KYNU: variants seen among roughly 807,000 people sequenced by gnomAD.
The protein encoded by KYNU is kynureninase, also known as L-kynurenine hydrolase.
Under a neutral mutation model 59.2 loss-of-function variants are expected in KYNU, and 54 were observed. The observed-to-expected ratio is 0.91, with a 90% CI of 0.73 to 1.14. The LOEUF (loss-of-function observed/expected upper bound fraction) is 1.14. Among genes scored for constraint, KYNU ranks in the 50% most tolerant of loss-of-function variants. The probability of loss-of-function intolerance (pLI) is 0.00; values close to 1 mark genes in which losing one functional copy is unlikely to be tolerated. For synonymous variants in KYNU, 177 were observed against 192.0 expected, an observed-to-expected ratio of 0.92 and a Z score of 0.65; for missense variants, 567 against 554.4, an observed-to-expected ratio of 1.02 and a Z score of -0.23.
chr2:142,881,916 C>CTTTTTTTTTTTTTTTTT (rs869099302), intron 1 of KYNU, among the ~76,000 whole-genome samples: 11 of 113,172 alleles, frequency 9.7e-5, no homozygotes, highest in Non-Finnish European at 1.8e-4. Flanking sequence ...TTTCTTTTTT[C>CTTTTTTTTTTTTTTTTT]TTTTTTTTTT....
intron 4 of KYNU, among the ~76,000 whole-genome samples, chr2:142,950,871 A>G (rs351698): frequency 0.56 from 84,705 of 152,020 alleles, 24,640 homozygotes; most frequent in African/African-American, 0.71. Flanking sequence ...TGACAGGCAT[A>G]TGACACTTCC....
In KYNU at chr2:143,042,661, T is replaced by C. The variant is rs1299928497; in HGVS notation, c.*489T>C. ...GTGTGTGTGTGTGTATATATATATA[T>C]ATATATCATATATATATGATAGTGG... is the stretch of plus-strand genomic sequence containing the variant. On this transcript the variant is annotated 3_prime_UTR_variant, in exon 14 of 14. Transcript: ENST00000264170. 1 of 143,746 alleles carries C rather than the reference T, an allele frequency of 7.0e-6. No homozygotes were observed. The highest frequency in any genetic ancestry group is 1.5e-5 in the Non-Finnish European group (1 of 64,974). The allele number at this position is 143,746 out of a possible 1,614,324, so 8.9% of individuals were successfully genotyped here. A position where few individuals can be genotyped will look rare whatever the true frequency, so the allele number is the denominator to read the frequency against.
intron 8 of KYNU, among the ~76,000 whole-genome samples, chr2:142,981,424 T>C (rs956267246): frequency 5.3e-5 from 8 of 152,042 alleles, no homozygotes; most frequent in African/African-American, 1.9e-4. Context: ...TTTCCCCATA[T>C]GGAATTTCAG....
rs148301578 is a variant in KYNU, at chr2:143,042,762, A to G, written c.*590A>G. On this transcript the variant is annotated 3_prime_UTR_variant, in exon 14 of 14. Coordinates refer to ENST00000264170, the MANE Select transcript of KYNU (RefSeq NM_003937.3). ...ATCAGAAACCAGTATTTATGTGAATATATGAGAAATATTATTGATTCTAAG... is the reference window on the plus strand; with the variant it reads ...ATCAGAAACCAGTATTTATGTGAATGTATGAGAAATATTATTGATTCTAAG... The G allele has an allele frequency of 2.0e-4, 30 of 151,154 alleles. No homozygotes were observed. Among genetic ancestry groups the G allele is most frequent in the African/African-American group, 6.8e-4 (28 of 41,246 alleles). 9.4% of individuals were successfully genotyped at this position (151,154 alleles called of 1,614,324 possible).
intron 13 of KYNU, among the ~76,000 whole-genome samples, chr2:143,041,712 C>T (rs1186980856): frequency 6.6e-6 from 1 of 151,320 alleles, no homozygotes; most frequent in Non-Finnish European, 1.5e-5. Context: ...TAAATTCACC[C>T]AAGAATTCCA....
chr2:143,026,284 T>A (rs1224192303), intron 10 of KYNU, among the ~76,000 whole-genome samples: 1 of 152,160 alleles, frequency 6.6e-6, no homozygotes, highest in African/African-American at 2.4e-5. Flanking sequence ...TATGCAAAGG[T>A]GTAATTTGTT....
chr2:143,033,386 T>C (rs1686812748), intron 12 of KYNU, 65 bp downstream of exon 12: 1 of 1,112,688 alleles, frequency 9.0e-7, no homozygotes, highest in African/African-American at 1.5e-5. Flanking sequence ...TTGTGACAAT[T>C]CATAGTACTT....
At chr2:142,904,101 C>T (rs1369949617) in intron 2 of KYNU, among the ~76,000 whole-genome samples, 2 of 152,206 alleles carry the variant, frequency 1.3e-5, no homozygotes, top group Non-Finnish European at 2.9e-5. Context: ...CTAATGTCTG[C>T]AGCTGACTGA....
Position 143,049,664 on chromosome 2 carries a change from C to T in KYNU, c.*7492C>T, listed in dbSNP as rs1169488678. 6.6e-6 allele frequency: 1 copy of T among 152,146 alleles called. No homozygotes were observed. Among genetic ancestry groups the T allele is most frequent in the Non-Finnish European group, 1.5e-5 (1 of 68,036 alleles). 9.4% of individuals were successfully genotyped at this position (152,146 alleles called of 1,614,324 possible). A position where few individuals can be genotyped will look rare whatever the true frequency, so the allele number is the denominator to read the frequency against. ...ACTCCTTCAATAAAACATAGTCATC[C>T]AAATCCCAATCTCAAGCACGGTGTC... On this transcript the variant is annotated 3_prime_UTR_variant, in exon 14 of 14. Transcript: ENST00000264170.
At chr2:142,973,027 TACAC>T (rs146421259) in intron 8 of KYNU, among the ~76,000 whole-genome samples, 20 of 148,022 alleles carry the variant, frequency 1.4e-4, no homozygotes, top group Admixed American at 6.1e-4. Context: ...TGTATATATA[TACAC>T]ACACACACAC....
chr2:142,961,635 A>T (rs1684353475), intron 8 of KYNU, among the ~76,000 whole-genome samples: 1 of 152,154 alleles, frequency 6.6e-6, no homozygotes, highest in South Asian at 2.1e-4. Context: ...AATTTTTTAT[A>T]CTGCCTGTAA....
intron 8 of KYNU, among the ~76,000 whole-genome samples, chr2:142,978,335 G>A (rs188509478): frequency 5.3e-4 from 80 of 152,036 alleles, no homozygotes; most frequent in Middle Eastern, 3.4e-3. Flanking sequence ...CAAATTTATA[G>A]CACTGTAGTT....
chr2:142,893,623 TG>T (rs1385190630), intron 2 of KYNU, among the ~76,000 whole-genome samples: 5 of 151,452 alleles, frequency 3.3e-5, no homozygotes, highest in African/African-American at 9.7e-5. Context: ...TCAAGCAAGG[TG>T]GGGGCTTGAA....
intron 8 of KYNU, among the ~76,000 whole-genome samples, chr2:142,966,398 T>C (rs1231356659): frequency 6.6e-6 from 1 of 152,184 alleles, no homozygotes; most frequent in Admixed American, 6.6e-5. Flanking sequence ...CTAACTTCTT[T>C]AAAGTCTTAG....
In KYNU at chr2:143,029,598, A is replaced by G. The variant is rs755916270; in HGVS notation, c.903-29A>G. The stretch of plus-strand genomic sequence containing the variant: ...AAGACTCCATCCAAAAAAACCCCCA[A>G]AAACCTAATGTTTTTATTTATATTT... On this transcript the variant is annotated intron_variant, in intron 10 of 13. Transcript: ENST00000264170. 5.8e-6 allele frequency: 9 copies of G among 1,559,444 alleles called. No individual in the cohort carries two copies. The South Asian group carries it at 1.0e-4, about 17-fold the overall frequency.
Position 143,028,975 on chromosome 2 carries a change from A to G in KYNU, c.903-652A>G, listed in dbSNP as rs572262318. ...GGGTACATTTCTCTTTAGAGATTCTATTGTGAAAATATTGTATTAATTGTT... is the reference window on the plus strand; with the variant it reads ...GGGTACATTTCTCTTTAGAGATTCTGTTGTGAAAATATTGTATTAATTGTT... On this transcript the variant is annotated intron_variant, in intron 10 of 13. Transcript: ENST00000264170. Among the ~76,000 whole-genome samples the G allele has an allele frequency of 3.8e-4, 58 of 152,276 alleles. 1 individual carries two copies. In the South Asian group the frequency reaches 9.7e-3, roughly 26 times the overall value.
At chr2:142,883,869 C>A (rs1681395718) in intron 1 of KYNU, among the ~76,000 whole-genome samples, 1 of 152,228 alleles carries the variant, frequency 6.6e-6, no homozygotes, top group African/African-American at 2.4e-5. Context: ...TCATACACTG[C>A]TGTCCTGCCA....
chr2:142,959,324 C>T (rs934307567), intron 7 of KYNU, among the ~76,000 whole-genome samples: 7 of 152,162 alleles, frequency 4.6e-5, no homozygotes, highest in Non-Finnish European at 8.8e-5. Flanking sequence ...CAGTGGCTCA[C>T]GCCTGTAATC....
At chr2:143,037,652 G>A (rs1350897206) in intron 12 of KYNU, among the ~76,000 whole-genome samples, 1 of 151,400 alleles carries the variant, frequency 6.6e-6, no homozygotes, top group Non-Finnish European at 1.5e-5. Context: ...TTGTCAGTAA[G>A]AAAAAAAATA....
Sources: allele counts gnomAD v4.1 joint callset (sites outside exome capture counted in the v4.1 genomes callset), GRCh38; gene constraint gnomAD v4.1.1; transcripts MANE v1.5; gene names NCBI Gene and HGNC (gene_info 2026-07-23, HGNC 2026-07-21).